Variants in MARCHF1 observed in about 807,000 individuals in gnomAD.
MARCHF1 encodes E3 ubiquitin-protein ligase MARCHF1.
In MARCHF1, 40 loss-of-function variants were observed where a neutral mutation model predicts 54.2. That is an observed-to-expected ratio of 0.74 (90% CI 0.57 to 0.96). MARCHF1 has a LOEUF of 0.96. Ranked by LOEUF, MARCHF1 falls within the 40% of genes least tolerant of loss-of-function variation. The pLI is 0.00. For synonymous variants in MARCHF1, 236 were observed against 236.3 expected (o/e 1.00, Z 0.01); for missense variants, 586 against 656.5 (o/e 0.89, Z 1.17).
chr4:163,929,939 AT>A (rs1382596272), intron 3 of MARCHF1, among the ~76,000 whole-genome samples: 4 of 21,504 alleles, frequency 1.9e-4, no homozygotes, highest in Non-Finnish European at 4.8e-4. Context: ...TATATTATAT[AT>A]TTATATTATA....
chr4:163,566,134 C>A (rs928745317), intron 8 of MARCHF1, among the ~76,000 whole-genome samples: 4 of 152,108 alleles, frequency 2.6e-5, no homozygotes, highest in African/African-American at 9.7e-5. Flanking sequence ...TGAATGAGAG[C>A]TTAGATTTTT....
At chr4:164,289,003 C>T (rs941939222) in intron 1 of MARCHF1, among the ~76,000 whole-genome samples, 1 of 152,036 alleles carries the variant, frequency 6.6e-6, no homozygotes, top group Non-Finnish European at 1.5e-5. Context: ...ATCCTTCAAT[C>T]TTGAATGCCT....
chr4:163,680,371 A>C (rs151026893), intron 5 of MARCHF1, among the ~76,000 whole-genome samples: 1 of 152,246 alleles, frequency 6.6e-6, no homozygotes, highest in African/African-American at 2.4e-5. Context: ...TTGTGACACT[A>C]TAATATCTTC....
intron 3 of MARCHF1, among the ~76,000 whole-genome samples, chr4:163,897,491 A>G (rs1186483165): frequency 6.6e-6 from 1 of 152,180 alleles, no homozygotes; most frequent in Non-Finnish European, 1.5e-5. Flanking sequence ...TATAATAACT[A>G]AAACAGCATG....
At chr4:164,314,930 G>A (rs993115475) in intron 1 of MARCHF1, among the ~76,000 whole-genome samples, 5 of 151,958 alleles carry the variant, frequency 3.3e-5, no homozygotes, top group East Asian at 1.9e-4. Flanking sequence ...ATTTGATTAC[G>A]TTCGCTAAAA....
chr4:163,844,704 T>C (rs1749436096), intron 4 of MARCHF1, among the ~76,000 whole-genome samples: 1 of 152,198 alleles, frequency 6.6e-6, no homozygotes, highest in Non-Finnish European at 1.5e-5. Context: ...ATTTTCTCTG[T>C]GATTCATTTA....
At chr4:164,011,539 G>T (rs1753420974) in intron 2 of MARCHF1, among the ~76,000 whole-genome samples, 1 of 152,160 alleles carries the variant, frequency 6.6e-6, no homozygotes, top group African/African-American at 2.4e-5. Context: ...ATAACCATCA[G>T]AGAAACACAA....
intron 1 of MARCHF1, among the ~76,000 whole-genome samples, chr4:164,292,325 G>A (rs555328299): frequency 1.3e-5 from 2 of 152,126 alleles, no homozygotes; most frequent in South Asian, 2.1e-4. Flanking sequence ...AGTGATAAAT[G>A]GTTATGCGTT....
intron 2 of MARCHF1, among the ~76,000 whole-genome samples, chr4:164,048,458 A>G (rs906723923): frequency 4.6e-5 from 7 of 152,178 alleles, no homozygotes; most frequent in Non-Finnish European, 1.0e-4. Context: ...GAAAAATCAG[A>G]TTTATCAAAT....
At chr4:164,325,546 A>C (rs1735254892) in intron 1 of MARCHF1, among the ~76,000 whole-genome samples, 1 of 152,036 alleles carries the variant, frequency 6.6e-6, no homozygotes, top group Non-Finnish European at 1.5e-5. Flanking sequence ...AAGGTAAAAC[A>C]AAACTTATAA....
chr4:163,780,815 T>C (rs1269473060), intron 4 of MARCHF1, among the ~76,000 whole-genome samples: 1 of 152,238 alleles, frequency 6.6e-6, no homozygotes, highest in Non-Finnish European at 1.5e-5. Context: ...CAGGGTTGTC[T>C]GCATACGCCC....
At chr4:163,627,331 A>G (rs1741907098) in intron 5 of MARCHF1, among the ~76,000 whole-genome samples, 1 of 152,160 alleles carries the variant, frequency 6.6e-6, no homozygotes, top group Non-Finnish European at 1.5e-5. Flanking sequence ...CACTGCTCCT[A>G]GTTTGATCTC....
chr4:163,939,884 A>G (rs918236448), intron 3 of MARCHF1, among the ~76,000 whole-genome samples: 3 of 152,204 alleles, frequency 2.0e-5, no homozygotes, highest in African/African-American at 7.2e-5. Context: ...AATGCAGAAT[A>G]GAAAGGTGTT....
chr4:164,154,852 A>G (rs1336861075), intron 1 of MARCHF1, among the ~76,000 whole-genome samples: 1 of 152,196 alleles, frequency 6.6e-6, no homozygotes, highest in East Asian at 1.9e-4. Context: ...CAGAAGACTC[A>G]GGTCACACAC....
chr4:164,266,400 T>C (rs938975086), intron 1 of MARCHF1, among the ~76,000 whole-genome samples: 3 of 152,230 alleles, frequency 2.0e-5, no homozygotes, highest in Non-Finnish European at 4.4e-5. Context: ...CTAGCCAATA[T>C]GGTTATTATT....
chr4:164,334,364 C>T (rs1459066696), intron 1 of MARCHF1, among the ~76,000 whole-genome samples: 2 of 152,266 alleles, frequency 1.3e-5, no homozygotes, highest in South Asian at 4.1e-4. Context: ...TGGAAGCGAA[C>T]ACTCATTTAC....
chr4:163,861,599 C>T (rs913111119), intron 3 of MARCHF1, among the ~76,000 whole-genome samples: 2 of 152,074 alleles, frequency 1.3e-5, no homozygotes, highest in East Asian at 1.9e-4. Context: ...ATAGCAGAGA[C>T]ATTCTGTGTT....
chr4:163,805,525 G>C (rs867541316), intron 4 of MARCHF1, among the ~76,000 whole-genome samples: 11 of 152,290 alleles, frequency 7.2e-5, no homozygotes, highest in African/African-American at 2.6e-4. Context: ...AATTTAGCTT[G>C]TCCTACTGCA....
At chr4:164,379,827 T>C (rs1039872926) in intron 1 of MARCHF1, among the ~76,000 whole-genome samples, 2 of 151,896 alleles carry the variant, frequency 1.3e-5, no homozygotes, top group Non-Finnish European at 2.9e-5. Context: ...AATACAAAAA[T>C]TAGCCAGGCA....
Sources: allele counts gnomAD v4.1 joint callset (sites outside exome capture counted in the v4.1 genomes callset), GRCh38; gene constraint gnomAD v4.1.1; transcripts MANE v1.5; gene names NCBI Gene and HGNC (gene_info 2026-07-23, HGNC 2026-07-21).